The following ZNF407 variants were observed in gnomAD, a reference collection of about 807,000 sequenced individuals.
ZNF407 encodes the protein zinc finger protein 407.
ZNF407 carries 17 observed loss-of-function variants against 131.2 expected under a neutral mutation model. That is an observed-to-expected ratio of 0.13 (90% CI 0.09 to 0.19). The LOEUF (loss-of-function observed/expected upper bound fraction) is 0.19. Among genes scored for constraint, ZNF407 ranks in the 10% least tolerant of loss-of-function variants. The pLI, the probability that ZNF407 is intolerant of heterozygous loss-of-function variation, is 1.00. For missense variants in ZNF407, 2,681 were observed against 2,830.6 expected, an observed-to-expected ratio of 0.95 and a Z score of 1.20; for synonymous variants, 1,156 against 1,062.0, an observed-to-expected ratio of 1.09 and a Z score of -1.72.
chr18:74,599,820 A>G (rs546589613), intron 1 of ZNF407, among the ~76,000 whole-genome samples: 1 of 152,330 alleles, frequency 6.6e-6, no homozygotes, highest in Admixed American at 6.5e-5. Flanking sequence ...GATAGTGAGA[A>G]GAAGCCTAGT....
At chr18:74,979,320 T>C (rs998340247) in intron 8 of ZNF407, among the ~76,000 whole-genome samples, 4 of 152,116 alleles carry the variant, frequency 2.6e-5, no homozygotes, top group African/African-American at 9.7e-5. Flanking sequence ...ACAAGAAATA[T>C]ATATATAGTC....
chr18:74,881,562 C>A (rs1568253370), intron 6 of ZNF407, among the ~76,000 whole-genome samples: 1 of 150,452 alleles, frequency 6.6e-6, no homozygotes, highest in East Asian at 1.9e-4. Flanking sequence ...CCCCTCCCTT[C>A]CTCTCTCTCT....
chr18:74,637,782 C>T (rs1172556879), intron 2 of ZNF407, among the ~76,000 whole-genome samples: 8 of 152,132 alleles, frequency 5.3e-5, no homozygotes, highest in Non-Finnish European at 1.0e-4. Context: ...CTCTTCCAAT[C>T]CCTGTTTTCA....
intron 6 of ZNF407, among the ~76,000 whole-genome samples, chr18:74,881,474 C>G (rs1487875100): frequency 6.6e-6 from 1 of 152,032 alleles, no homozygotes; most frequent in East Asian, 1.9e-4. Context: ...CTTTGTCAAC[C>G]AGTCTCCCTC....
intron 8 of ZNF407, among the ~76,000 whole-genome samples, chr18:74,986,977 A>G (rs1972660375): frequency 1.3e-5 from 2 of 152,186 alleles, no homozygotes; most frequent in African/African-American, 4.8e-5. Context: ...GTATTTGTTT[A>G]AAATATTAGG....
chr18:74,797,541 A>G (rs1969942729), intron 4 of ZNF407, among the ~76,000 whole-genome samples: 1 of 152,258 alleles, frequency 6.6e-6, no homozygotes, highest in African/African-American at 2.4e-5. Flanking sequence ...TGTGCAGGCT[A>G]GCCTGCTGCA....
chr18:74,989,793 A>AGATCCCACGACTGTG (rs1276392329), intron 8 of ZNF407, among the ~76,000 whole-genome samples: 1 of 151,992 alleles, frequency 6.6e-6, no homozygotes, highest in Non-Finnish European at 1.5e-5. Flanking sequence ...CAGTGAGCCA[A>AGATCCCACGACTGTG]GATCCCACGA....
chr18:74,812,030 A>G (rs1158270126), intron 4 of ZNF407, among the ~76,000 whole-genome samples: 1 of 152,010 alleles, frequency 6.6e-6, no homozygotes, highest in African/African-American at 2.4e-5. Context: ...TTAAGTATAA[A>G]AATAAAAAAA....
chr18:74,604,739 A>G (rs1428036061), intron 1 of ZNF407, among the ~76,000 whole-genome samples: 3 of 152,238 alleles, frequency 2.0e-5, no homozygotes, highest in Admixed American at 6.5e-5. Flanking sequence ...AGTTCTTTAT[A>G]TAAACACTGT....
At chr18:74,706,416 TGG>T (rs1400297589) in intron 3 of ZNF407, among the ~76,000 whole-genome samples, 5 of 152,140 alleles carry the variant, frequency 3.3e-5, no homozygotes, top group Non-Finnish European at 7.4e-5. Flanking sequence ...TCCTGGTGGG[TGG>T]GATGATCCAT....
chr18:74,936,007 CTCAA>C (rs1382608090), intron 8 of ZNF407, among the ~76,000 whole-genome samples: 1 of 152,120 alleles, frequency 6.6e-6, no homozygotes. Flanking sequence ...TGATCCAGAA[CTCAA>C]TCAAAGAAGT....
At chr18:74,936,518 A>G (rs957793315) in intron 8 of ZNF407, among the ~76,000 whole-genome samples, 14 of 152,204 alleles carry the variant, frequency 9.2e-5, no homozygotes, top group African/African-American at 2.7e-4. Context: ...AGGCTTCCAC[A>G]TGATGAAGTC....
At chr18:75,061,861 C>A (rs896746861) in intron 8 of ZNF407, 1 of 152,534 alleles carries the variant, frequency 6.6e-6, no homozygotes, top group Non-Finnish European at 1.5e-5. Flanking sequence ...CCGGGCACCA[C>A]GGGGCTTATG....
At chr18:74,973,700 A>G (rs4891041) in intron 8 of ZNF407, among the ~76,000 whole-genome samples, 34,235 of 152,156 alleles carry the variant, frequency 0.22, 5,052 homozygotes, top group African/African-American at 0.4. Context: ...TATAGAGGCC[A>G]GAAGTCTGCG....
chr18:74,835,460 CTAT>C (rs1391367599), intron 4 of ZNF407, among the ~76,000 whole-genome samples: 1 of 152,062 alleles, frequency 6.6e-6, no homozygotes, highest in African/African-American at 2.4e-5. Context: ...TGTGTGGCTG[CTAT>C]AATAGAATAT....
At chr18:75,029,675 G>A (rs540979809) in intron 8 of ZNF407, among the ~76,000 whole-genome samples, 1 of 152,376 alleles carries the variant, frequency 6.6e-6, no homozygotes, top group East Asian at 1.9e-4. Context: ...GGGGCAGGAA[G>A]TGCTTCGTTT....
chr18:75,043,778 G>A (rs1330264974), intron 8 of ZNF407, among the ~76,000 whole-genome samples: 4 of 152,264 alleles, frequency 2.6e-5, no homozygotes, highest in Middle Eastern at 3.4e-3. Context: ...CTGATAAAAA[G>A]GCTTCACTTG....
intron 1 of ZNF407, among the ~76,000 whole-genome samples, chr18:74,623,595 T>C (rs1983659206): frequency 6.6e-6 from 1 of 152,248 alleles, no homozygotes; most frequent in African/African-American, 2.4e-5. Flanking sequence ...CGAAATGCCT[T>C]CTTTGATATG....
intron 4 of ZNF407, among the ~76,000 whole-genome samples, chr18:74,866,986 C>T (rs1457710931): frequency 3.9e-5 from 3 of 77,506 alleles, no homozygotes; most frequent in Non-Finnish European, 7.1e-5. Context: ...TGTGTCTACC[C>T]GAAAAAAAAA....
Sources: allele counts gnomAD v4.1 joint callset (sites outside exome capture counted in the v4.1 genomes callset), GRCh38; gene constraint gnomAD v4.1.1; transcripts MANE v1.5; gene names NCBI Gene and HGNC (gene_info 2026-07-23, HGNC 2026-07-21).